Variants in NPAS3 observed in about 807,000 individuals in gnomAD.
The protein encoded by NPAS3 is neuronal PAS domain protein 3.
A neutral mutation model predicts 73.1 loss-of-function variants in NPAS3; 14 were observed. The ratio of observed to expected loss-of-function variants is 0.19; its 90% CI spans 0.13 to 0.30. The LOEUF (loss-of-function observed/expected upper bound fraction) is 0.30. NPAS3 is among the 10% of genes least tolerant of loss of function. NPAS3 has a pLI of 1.00. For missense variants in NPAS3, 1,096 were observed against 1,250.0 expected, an observed-to-expected ratio of 0.88 and a Z score of 1.86; for synonymous variants, 620 against 541.5, an observed-to-expected ratio of 1.14 and a Z score of -2.01.
rs758396226 is a variant in NPAS3 at position 32,943,687 on chromosome 14, CTTTT to C, written c.50+4323_50+4326del. On this transcript the variant is annotated intron_variant, in intron 1 of 11. Coordinates refer to ENST00000356141, the Ensembl canonical transcript of NPAS3. ...TCTTTTTTGTTTCTTTATTTCTTTTCTTTTTCTTTTTTTTTTTTTTTTTAGACAG... is the reference window on the plus strand; with the variant it reads ...TCTTTTTTGTTTCTTTATTTCTTTTCTCTTTTTTTTTTTTTTTTTAGACAG... 3.1e-3 allele frequency among the ~76,000 whole-genome samples: 361 copies of C among 117,506 alleles called. 2 individuals carry two copies. The highest frequency in any genetic ancestry group is 0.015 in the Middle Eastern group (3 of 198). The allele number at this position is 117,506 out of a possible 152,430, so 77.1% of individuals were successfully genotyped here.
intron 2 of NPAS3, among the ~76,000 whole-genome samples, chr14:33,119,635 A>G (rs1204303481): frequency 2.0e-5 from 3 of 152,122 alleles, no homozygotes; most frequent in African/African-American, 7.2e-5. Flanking sequence ...GCATAAAATT[A>G]CCTCACACCA....
chr14:33,236,927 G>A (rs1267385820), intron 3 of NPAS3, among the ~76,000 whole-genome samples: 3 of 151,972 alleles, frequency 2.0e-5, no homozygotes, highest in Admixed American at 6.6e-5. Flanking sequence ...ATAAATCAGT[G>A]TTTTGATTTT....
chr14:33,118,529 T>C (rs995223960), intron 2 of NPAS3, among the ~76,000 whole-genome samples: 6 of 152,176 alleles, frequency 3.9e-5, no homozygotes, highest in African/African-American at 1.4e-4. Context: ...GTCTGTCTTA[T>C]ATGGGATAGG....
At chr14:33,419,088 A>G (rs145135392) in intron 4 of NPAS3, among the ~76,000 whole-genome samples, 17 of 152,138 alleles carry the variant, frequency 1.1e-4, no homozygotes, top group African/African-American at 3.9e-4. Flanking sequence ...TGTGCATTAT[A>G]GGAAATTGAG....
At chr14:33,671,948 A>C (rs1243938865) in intron 5 of NPAS3, among the ~76,000 whole-genome samples, 1 of 152,244 alleles carries the variant, frequency 6.6e-6, no homozygotes, top group Non-Finnish European at 1.5e-5. Context: ...ATTAGATCAT[A>C]ATTAAGGATT....
chr14:33,003,214 A>C (rs1031660394), intron 1 of NPAS3, among the ~76,000 whole-genome samples: 1 of 152,068 alleles, frequency 6.6e-6, no homozygotes, highest in Non-Finnish European at 1.5e-5. Context: ...AGATAATGGA[A>C]TGGAAGCTCA....
rs138921616 is a variant in NPAS3, at chr14:33,279,409, A to G, written c.385+63983A>G. ...TGTCACTTTAGGTACATGGACACGG[A>G]GGTTGGAAGGAGTTGACTAACTCGC... On this transcript the variant is annotated intron_variant, in intron 3 of 11. Coordinates refer to ENST00000356141, the Ensembl canonical transcript of NPAS3. Among the ~76,000 whole-genome samples, 91 of 152,254 alleles carry G rather than the reference A, an allele frequency of 6.0e-4. 1 individual carries two copies. Among genetic ancestry groups the G allele is most frequent in the Middle Eastern group, 3.4e-3 (1 of 294 alleles).
chr14:33,000,498 G>A (rs942022589), intron 1 of NPAS3, among the ~76,000 whole-genome samples: 6 of 152,286 alleles, frequency 3.9e-5, no homozygotes, highest in South Asian at 2.1e-4. Flanking sequence ...TTTGTGAGTT[G>A]TTATGTATCT....
At chr14:33,537,633 T>A (rs1233158479) in intron 4 of NPAS3, among the ~76,000 whole-genome samples, 1 of 152,222 alleles carries the variant, frequency 6.6e-6, no homozygotes, top group Non-Finnish European at 1.5e-5. Context: ...TGATGCTAAA[T>A]GAGCAAGGTA....
intron 6 of NPAS3, among the ~76,000 whole-genome samples, chr14:33,680,303 A>G (rs779725681): frequency 2.0e-5 from 3 of 152,228 alleles, no homozygotes; most frequent in Non-Finnish European, 4.4e-5. Context: ...GGCAAATAGT[A>G]ATATTCTCTA....
chr14:33,776,081 A>G (rs1371595183), intron 8 of NPAS3, among the ~76,000 whole-genome samples: 1 of 152,190 alleles, frequency 6.6e-6, no homozygotes, highest in African/African-American at 2.4e-5. Flanking sequence ...CTTTTTCTTC[A>G]GAAGTCAGAC....
At chr14:33,157,398 C>T (rs915870157) in intron 2 of NPAS3, among the ~76,000 whole-genome samples, 3 of 152,160 alleles carry the variant, frequency 2.0e-5, no homozygotes, top group Non-Finnish European at 2.9e-5. Context: ...TAAAAATTCA[C>T]AGGACAGATG....
At chr14:33,763,315 C>T (rs1445288407) in intron 7 of NPAS3, among the ~76,000 whole-genome samples, 1 of 152,176 alleles carries the variant, frequency 6.6e-6, no homozygotes, top group African/African-American at 2.4e-5. Context: ...TTGAATTAAA[C>T]AGCCTTTTAA....
chr14:33,691,652 G>A (rs989659027), intron 6 of NPAS3, among the ~76,000 whole-genome samples: 1 of 152,150 alleles, frequency 6.6e-6, no homozygotes, highest in Non-Finnish European at 1.5e-5. Flanking sequence ...TTTGACAGGT[G>A]CCCACTTTAA....
chr14:33,369,584 G>C (rs1447191093), intron 4 of NPAS3, among the ~76,000 whole-genome samples: 1 of 151,060 alleles, frequency 6.6e-6, no homozygotes, highest in African/African-American at 2.4e-5. Flanking sequence ...GAGAAATATA[G>C]ATGGCTTGGT....
At chr14:33,451,791 A>C (rs2049803463) in intron 4 of NPAS3, among the ~76,000 whole-genome samples, 1 of 152,164 alleles carries the variant, frequency 6.6e-6, no homozygotes, top group African/African-American at 2.4e-5. Context: ...CCTTAAGGCT[A>C]CTCAGAATTA....
chr14:33,384,730 C>A (rs759195685), intron 4 of NPAS3, among the ~76,000 whole-genome samples: 3 of 152,186 alleles, frequency 2.0e-5, no homozygotes, highest in African/African-American at 7.2e-5. Flanking sequence ...AACTCCGTCT[C>A]AAAAACCAAA....
intron 4 of NPAS3, among the ~76,000 whole-genome samples, chr14:33,449,789 A>G (rs2049706072): frequency 6.6e-6 from 1 of 152,166 alleles, no homozygotes; most frequent in Non-Finnish European, 1.5e-5. Flanking sequence ...AATCTTCCTA[A>G]GTGAAATCTG....
chr14:32,951,606 CTTAAA>C (rs2036486557), intron 1 of NPAS3, among the ~76,000 whole-genome samples: 1 of 151,990 alleles, frequency 6.6e-6, no homozygotes, highest in Admixed American at 6.6e-5. Context: ...ACATTTGTTT[CTTAAA>C]TTCAATTGAG....
Sources: gnomAD v4.1 joint callset for allele counts (sites outside exome capture counted in the v4.1 genomes callset) on GRCh38, gnomAD v4.1.1 for gene constraint, MANE v1.5 for transcripts, NCBI Gene and HGNC (gene_info 2026-07-23, HGNC 2026-07-21) for gene names.